The following RALGAPB variants were observed in gnomAD, a reference collection of about 807,000 sequenced individuals.
RALGAPB encodes the protein Ral GTPase activating protein non-catalytic subunit beta, also known as ral GTPase-activating protein subunit beta.
RALGAPB carries 25 observed loss-of-function variants against 161.1 expected under a neutral mutation model. The observed-to-expected ratio is 0.16, with a 90% CI of 0.11 to 0.22. The LOEUF is 0.22. Ranked by LOEUF, RALGAPB falls within the 10% of genes least tolerant of loss-of-function variation. The pLI is 1.00. For missense variants in RALGAPB, 1,391 were observed against 1,815.2 expected (o/e 0.77, Z 4.25); for synonymous variants, 629 against 626.1 (o/e 1.00, Z -0.07).
chr20:38,521,782 A>G, intron 10 of RALGAPB, 84 bp downstream of exon 10: 1 of 1,399,166 alleles, frequency 7.1e-7, no homozygotes, highest in Non-Finnish European at 9.9e-7. Context: ...CCGATGAGTG[A>G]TGTTGGTCTG....
At chr20:38,502,280 G>A (rs890891467) in intron 5 of RALGAPB, among the ~76,000 whole-genome samples, 2 of 152,134 alleles carry the variant, frequency 1.3e-5, no homozygotes, top group African/African-American at 4.8e-5. Flanking sequence ...TCAGTAAAAA[G>A]TGATGTCTCA....
intron 16 of RALGAPB, 35 bp from the exon 17 acceptor site, chr20:38,539,741 C>T (rs777519064): frequency 1.3e-6 from 2 of 1,596,598 alleles, no homozygotes; most frequent in South Asian, 1.1e-5. Flanking sequence ...TAATTCCTGG[C>T]TGATTGTTTT....
At chr20:38,535,593 C>CTT (rs35132331) in intron 16 of RALGAPB, among the ~76,000 whole-genome samples, 13 of 141,090 alleles carry the variant, frequency 9.2e-5, no homozygotes, top group South Asian at 6.7e-4. Context: ...CTGGCTACAC[C>CTT]TTTTTTTTTT....
rs768196520 is a variant in RALGAPB, at chr20:38,551,027, T to C, written c.3010-44T>C. Reference sequence around the variant, plus strand: ...GGAAATACATGTCATTACAGATGGGTATTGGACCCTGTGTAATAAACATAA... The same window carrying C: ...GGAAATACATGTCATTACAGATGGGCATTGGACCCTGTGTAATAAACATAA... On this transcript the variant is annotated intron_variant, in intron 20 of 29. Transcript: ENST00000262879. 11 of 1,593,528 alleles carry C rather than the reference T, an allele frequency of 6.9e-6. No homozygotes were observed. The African/African-American group carries it at 1.3e-4, about 19-fold the overall frequency.
At chr20:38,531,107 C>A in intron 13 of RALGAPB, 60 bp from the exon 14 acceptor site, 1 of 1,340,424 alleles carries the variant, frequency 7.5e-7, no homozygotes, top group South Asian at 1.2e-5. Context: ...TATAAAATGT[C>A]TTACGCATTT....
At chr20:38,495,965 G>T (rs958989527) in intron 3 of RALGAPB, among the ~76,000 whole-genome samples, 5 of 152,078 alleles carry the variant, frequency 3.3e-5, no homozygotes, top group African/African-American at 1.2e-4. Flanking sequence ...GGCCATTAGT[G>T]GTATTTTTAT....
intron 6 of RALGAPB, among the ~76,000 whole-genome samples, chr20:38,513,588 G>C (rs1322993909): frequency 1.3e-5 from 2 of 151,128 alleles, no homozygotes; most frequent in African/African-American, 4.9e-5. Flanking sequence ...AGGCAGAGTT[G>C]CAGTGAGCCA....
intron 15 of RALGAPB, 130 bp downstream of exon 15, chr20:38,532,989 A>T (rs991375800): frequency 2.8e-6 from 3 of 1,065,888 alleles, no homozygotes; most frequent in Middle Eastern, 3.1e-4. Context: ...AGAGGATGTC[A>T]GTCTTAAGAA....
At chr20:38,524,978 G>C (rs576990423) in intron 11 of RALGAPB, 33 bp downstream of exon 11, 1 of 1,568,950 alleles carries the variant, frequency 6.4e-7, no homozygotes, top group East Asian at 2.2e-5. Flanking sequence ...TATATCAACT[G>C]TCTGATTTGG....
intron 4 of RALGAPB, among the ~76,000 whole-genome samples, chr20:38,497,778 CTTGTTT>C (rs1187493979): frequency 2.6e-5 from 4 of 152,100 alleles, no homozygotes; most frequent in Non-Finnish European, 1.5e-5. Context: ...GGAGCAGTAG[CTTGTTT>C]AATAGGATAG....
intron 5 of RALGAPB, among the ~76,000 whole-genome samples, chr20:38,501,054 A>G (rs1215127172): frequency 1.3e-5 from 2 of 152,218 alleles, no homozygotes; most frequent in Non-Finnish European, 2.9e-5. Flanking sequence ...AGCAAGTGTG[A>G]TGGAGAAGCT....
chr20:38,524,554 C>T (rs1041808514), intron 10 of RALGAPB, among the ~76,000 whole-genome samples: 1 of 151,920 alleles, frequency 6.6e-6, no homozygotes, highest in African/African-American at 2.4e-5. Flanking sequence ...CAGAATTGTT[C>T]TAATTCCAGT....
intron 7 of RALGAPB, 111 bp downstream of exon 7, chr20:38,516,481 A>G: frequency 5.6e-6 from 6 of 1,073,542 alleles, no homozygotes; most frequent in Non-Finnish European, 7.7e-6. Context: ...AACAGATTTG[A>G]TGACAAATAA....
chr20:38,535,254 G>C lies in RALGAPB; in HGVS notation c.2379+47G>C, dbSNP rs200047147. ...TTTTAACCCAACAGCCTTGGGCCTTGGCTGTTTTTTCTGTATCTCTTAACC... is the reference window on the plus strand; with the variant it reads ...TTTTAACCCAACAGCCTTGGGCCTTCGCTGTTTTTTCTGTATCTCTTAACC... On this transcript the variant is annotated intron_variant, in intron 16 of 29. Coordinates refer to ENST00000262879, the MANE Select transcript of RALGAPB (RefSeq NM_020336.4). The C allele has an allele frequency of 2.3e-5, 37 of 1,599,160 alleles. 1 individual carries two copies. In the East Asian group the frequency reaches 8.3e-4, roughly 36 times the overall value.
chr20:38,484,296 C>T (rs1046414782), intron 1 of RALGAPB, among the ~76,000 whole-genome samples: 3 of 152,112 alleles, frequency 2.0e-5, no homozygotes, highest in African/African-American at 7.2e-5. Context: ...ACAGCAACCA[C>T]GATGAAATAA....
chr20:38,529,170 A>G lies in RALGAPB; in HGVS notation c.2051-1997A>G, dbSNP rs149184301. On this transcript the variant is annotated intron_variant, in intron 13 of 29. Coordinates refer to ENST00000262879, the MANE Select transcript of RALGAPB (RefSeq NM_020336.4). Reference sequence around the variant, plus strand: ...GTTGACCAGAAACCTTACCCATACCAGTTGATTAACACATATTTTGTATTT... The same window carrying G: ...GTTGACCAGAAACCTTACCCATACCGGTTGATTAACACATATTTTGTATTT... Among the ~76,000 whole-genome samples the G allele has an allele frequency of 4.9e-4, 75 of 152,296 alleles. 3 individuals are homozygous for G. In the East Asian group the frequency reaches 0.013, roughly 26 times the overall value.
chr20:38,543,738 T>C (rs1280904272), intron 18 of RALGAPB, among the ~76,000 whole-genome samples: 1 of 152,218 alleles, frequency 6.6e-6, no homozygotes, highest in East Asian at 1.9e-4. Context: ...CTCTTTTTTC[T>C]TCACTTGGCT....
Position 38,575,248 on chromosome 20 carries a change from C to G in RALGAPB, c.*281C>G. On this transcript the variant is annotated 3_prime_UTR_variant, in exon 30 of 30. Transcript: ENST00000262879. Reference sequence around the variant, plus strand: ...GTGACAATTTTAGTTAAACATAAGCCTTTTGAGGAGAAAGGCTTTTATGCA... The same window carrying G: ...GTGACAATTTTAGTTAAACATAAGCGTTTTGAGGAGAAAGGCTTTTATGCA... The G allele has an allele frequency of 3.2e-6, 1 of 310,088 alleles. No individual in the cohort carries two copies. The allele number at this position is 310,088 out of a possible 1,614,324, so 19.2% of individuals were successfully genotyped here.
At chr20:38,543,250 C>T (rs969697105) in intron 18 of RALGAPB, among the ~76,000 whole-genome samples, 1 of 152,234 alleles carries the variant, frequency 6.6e-6, no homozygotes, top group Non-Finnish European at 1.5e-5. Context: ...ATGTTAGTAT[C>T]ATTGCTGTTT....
Sources: gnomAD v4.1 joint callset for allele counts (sites outside exome capture counted in the v4.1 genomes callset) on GRCh38, gnomAD v4.1.1 for gene constraint, MANE v1.5 for transcripts, NCBI Gene and HGNC (gene_info 2026-07-23, HGNC 2026-07-21) for gene names.